The following SPPL3 variants were observed in gnomAD, a reference collection of about 807,000 sequenced individuals.
SPPL3 encodes signal peptide peptidase-like 3.
A neutral mutation model predicts 42.4 loss-of-function variants in SPPL3; 5 were observed. That is an observed-to-expected ratio of 0.12 (90% CI 0.06 to 0.25). SPPL3 has a LOEUF of 0.25. SPPL3 is among the 10% of genes least tolerant of loss of function. The pLI, the probability that SPPL3 is intolerant of heterozygous loss-of-function variation, is 1.00. For synonymous variants in SPPL3, 195 were observed against 181.8 expected, an observed-to-expected ratio of 1.07 and a Z score of -0.58; for missense variants, 235 against 489.0, an observed-to-expected ratio of 0.48 and a Z score of 4.90.
chr12:120,784,606 A>G lies in SPPL3; in HGVS notation c.191-13T>C. On this transcript the variant is annotated splice_polypyrimidine_tract_variant and intron_variant, in intron 3 of 10. Transcript: ENST00000353487. Reference sequence around the variant, plus strand: ...ATTGTTTGGATGCCTGAAAGAGAAAAACAGACAGATTAATAACTTATTATG... The same window carrying G: ...ATTGTTTGGATGCCTGAAAGAGAAAGACAGACAGATTAATAACTTATTATG... The G allele has an allele frequency of 3.8e-6, 6 of 1,598,622 alleles. No homozygotes were observed. The highest frequency in any genetic ancestry group is 3.4e-5 in the South Asian group (3 of 88,300).
intron 1 of SPPL3, among the ~76,000 whole-genome samples, chr12:120,843,528 C>T (rs933537119): frequency 1.3e-5 from 2 of 152,196 alleles, no homozygotes; most frequent in Admixed American, 1.3e-4. Context: ...TTCCTCCCAC[C>T]TCACTGGCTG....
intron 1 of SPPL3, chr12:120,845,296 AC>A (rs1464256416): frequency 2.9e-6 from 1 of 350,800 alleles, no homozygotes; most frequent in African/African-American, 2.2e-5. Flanking sequence ...CCCCAGGAGG[AC>A]AGTATCCCAG....
chr12:120,790,466 C>G (rs1592963681), intron 3 of SPPL3, among the ~76,000 whole-genome samples: 1 of 152,218 alleles, frequency 6.6e-6, no homozygotes, highest in Admixed American at 6.5e-5. Context: ...TTAATTAGAT[C>G]TCTAGCATTT....
At chr12:120,852,836 CAT>C (rs1246283976) in intron 1 of SPPL3, among the ~76,000 whole-genome samples, 4 of 63,458 alleles carry the variant, frequency 6.3e-5, no homozygotes, top group African/African-American at 1.0e-4. Flanking sequence ...ATAATATATA[CAT>C]ATGATATATG....
chr12:120,878,620 T>A (rs895383084), intron 1 of SPPL3, among the ~76,000 whole-genome samples: 45 of 152,200 alleles, frequency 3.0e-4, no homozygotes, highest in African/African-American at 9.4e-4. Flanking sequence ...CAGCTTATGT[T>A]TATCAGTGGC....
intron 3 of SPPL3, among the ~76,000 whole-genome samples, chr12:120,788,278 T>C (rs1042585342): frequency 3.3e-5 from 5 of 152,216 alleles, no homozygotes; most frequent in African/African-American, 1.2e-4. Context: ...ATGAGTTGAG[T>C]GCCATAGTTC....
chr12:120,889,325 AG>A (rs986314395), intron 1 of SPPL3, among the ~76,000 whole-genome samples: 1 of 152,234 alleles, frequency 6.6e-6, no homozygotes, highest in African/African-American at 2.4e-5. Flanking sequence ...CATCCTTTCC[AG>A]GATCTATTCC....
chr12:120,886,363 A>AG (rs759323778), intron 1 of SPPL3, among the ~76,000 whole-genome samples: 2 of 152,184 alleles, frequency 1.3e-5, no homozygotes, highest in African/African-American at 2.4e-5. Flanking sequence ...GAGCCCCAAA[A>AG]GGCATAAAGT....
intron 6 of SPPL3, among the ~76,000 whole-genome samples, chr12:120,775,743 CTG>C (rs914525904): frequency 6.6e-6 from 1 of 152,138 alleles, no homozygotes; most frequent in African/African-American, 2.4e-5. Flanking sequence ...CCAGATGAAA[CTG>C]AGAGTAGATA....
chr12:120,812,412 G>T (rs184660672), intron 1 of SPPL3, among the ~76,000 whole-genome samples: 1 of 152,144 alleles, frequency 6.6e-6, no homozygotes, highest in Non-Finnish European at 1.5e-5. Context: ...GATTACAGGC[G>T]TGAGCCACTG....
chr12:120,857,968 TAATA>T (rs1302082363), intron 1 of SPPL3, among the ~76,000 whole-genome samples: 3 of 152,192 alleles, frequency 2.0e-5, no homozygotes, highest in South Asian at 2.1e-4. Flanking sequence ...TCCTGGAACT[TAATA>T]TATATTTAAA....
intron 1 of SPPL3, among the ~76,000 whole-genome samples, chr12:120,887,975 A>C (rs1328050328): frequency 6.6e-6 from 1 of 152,246 alleles, no homozygotes; most frequent in East Asian, 1.9e-4. Flanking sequence ...TTAAAAACAG[A>C]AACTATGAGC....
At chr12:120,853,822 T>C (rs931725647) in intron 1 of SPPL3, among the ~76,000 whole-genome samples, 2 of 152,156 alleles carry the variant, frequency 1.3e-5, no homozygotes, top group Non-Finnish European at 2.9e-5. Flanking sequence ...AAATCAGTTT[T>C]AGATAAAATT....
intron 1 of SPPL3, among the ~76,000 whole-genome samples, chr12:120,898,759 T>A (rs1226226986): frequency 6.6e-6 from 1 of 152,166 alleles, no homozygotes; most frequent in Non-Finnish European, 1.5e-5. Context: ...ACCATTTACA[T>A]CCTTGGGCAA....
At chr12:120,776,675 C>T (rs144819738) in intron 6 of SPPL3, among the ~76,000 whole-genome samples, 1 of 152,212 alleles carries the variant, frequency 6.6e-6, no homozygotes, top group Non-Finnish European at 1.5e-5. Context: ...GACCACACTG[C>T]TTATTGTTTT....
intron 2 of SPPL3, among the ~76,000 whole-genome samples, chr12:120,798,282 A>G (rs191197816): frequency 5.3e-5 from 8 of 152,324 alleles, no homozygotes; most frequent in Admixed American, 3.9e-4. Context: ...TATTTGAGAC[A>G]TATTTCTCCA....
intron 6 of SPPL3, among the ~76,000 whole-genome samples, chr12:120,776,388 C>T (rs1566038586): frequency 6.6e-6 from 1 of 152,176 alleles, no homozygotes; most frequent in Non-Finnish European, 1.5e-5. Context: ...GAGGAAGGGA[C>T]TCGCATTGTA....
rs1475171536 is a variant in SPPL3, at chr12:120,852,710, G to GTATATTATATA, written c.24-41825_24-41824insTATATAATATA. Among the ~76,000 whole-genome samples the GTATATTATATA allele has an allele frequency of 4.4e-4, 16 of 36,162 alleles. 1 individual carries two copies. Among genetic ancestry groups the GTATATTATATA allele is most frequent in the South Asian group, 9.7e-4 (1 of 1,026 alleles). 23.7% of individuals were successfully genotyped at this position (36,162 alleles called of 152,430 possible). A position where few individuals can be genotyped will look rare whatever the true frequency, so the allele number is the denominator to read the frequency against. Reference sequence around the variant, plus strand: ...TATAATATACATATTTTACATATATGAAATATATTTTATATATAATATACA... The same window carrying GTATATTATATA: ...TATAATATACATATTTTACATATATGTATATTATATAAAATATATTTTATATATAATATACA... On this transcript the variant is annotated intron_variant, in intron 1 of 10. Coordinates refer to ENST00000353487, the MANE Select transcript of SPPL3 (RefSeq NM_139015.5).
At chr12:120,845,298 A>T in intron 1 of SPPL3, 1 of 346,988 alleles carries the variant, frequency 2.9e-6, no homozygotes, top group Non-Finnish European at 5.9e-6. Flanking sequence ...CCAGGAGGAC[A>T]GTATCCCAGA....
Sources: gnomAD v4.1 joint callset for allele counts (sites outside exome capture counted in the v4.1 genomes callset) on GRCh38, gnomAD v4.1.1 for gene constraint, MANE v1.5 for transcripts, NCBI Gene and HGNC (gene_info 2026-07-23, HGNC 2026-07-21) for gene names.